The following ARHGEF10 variants were observed in gnomAD, a reference collection of about 807,000 sequenced individuals.
The protein encoded by ARHGEF10 is Rho guanine nucleotide exchange factor 10, also known as Rho guanine nucleotide exchange factor (GEF) 10.
ARHGEF10 carries 140 observed loss-of-function variants against 147.4 expected under a neutral mutation model. The observed-to-expected ratio is 0.95, with a 90% confidence interval of 0.83 to 1.09. The LOEUF (loss-of-function observed/expected upper bound fraction) is 1.09. Ranked by LOEUF, ARHGEF10 falls within the 50% of genes least tolerant of loss-of-function variation. The probability of loss-of-function intolerance (pLI) is 0.00; values close to 1 mark genes in which losing one functional copy is unlikely to be tolerated. For synonymous variants in ARHGEF10, 902 were observed against 695.8 expected (o/e 1.30, Z -4.67); for missense variants, 2,222 against 1,752.7 (o/e 1.27, Z -4.78).
chr8:1,853,417 T>C (rs978072399), intron 2 of ARHGEF10, among the ~76,000 whole-genome samples: 2 of 152,260 alleles, frequency 1.3e-5, no homozygotes, highest in African/African-American at 4.8e-5. Flanking sequence ...GAAAGATCCA[T>C]GTCGTCTCAA....
chr8:1,905,345 C>G lies in ARHGEF10; in HGVS notation c.1822-226C>G, dbSNP rs114274771. The stretch of plus-strand genomic sequence containing the variant: ...CAAAACAATTCCTTGCATTCCTCAC[C>G]GTTCCTGGTTAATGTAGTGTTTAAA... On this transcript the variant is annotated intron_variant, in intron 16 of 28. Transcript: ENST00000349830. Among the ~76,000 whole-genome samples, 1,104 of 152,240 alleles carry G rather than the reference C, an allele frequency of 7.3e-3. 13 individuals are homozygous for G. Among genetic ancestry groups the G allele is most frequent in the African/African-American group, 0.025 (1,020 of 41,544 alleles).
In ARHGEF10 at chr8:1,826,102, T is replaced by C. The variant is rs532419857; in HGVS notation, c.-48+1989T>C. 1.4e-5 allele frequency: 23 copies of C among 1,594,426 alleles called. No individual in the cohort carries two copies. In the South Asian group the frequency reaches 1.9e-4, roughly 13 times the overall value. On this transcript the variant is annotated intron_variant, in intron 1 of 28. Coordinates refer to ENST00000349830, the MANE Select transcript of ARHGEF10 (RefSeq NM_014629.4). Reference sequence around the variant, plus strand: ...CGGCAGTTACGGATGCATAACTCTTTATAGACAGATGAGACCTCCAGGATT... The same window carrying C: ...CGGCAGTTACGGATGCATAACTCTTCATAGACAGATGAGACCTCCAGGATT...
Position 1,933,819 on chromosome 8 carries a change from A to G in ARHGEF10, c.3099A>G (p.Glu1033=), listed in dbSNP as rs369942400. 1 of 1,614,086 alleles carries G rather than the reference A, an allele frequency of 6.2e-7. No homozygotes were observed. Among genetic ancestry groups the G allele is most frequent in the African/African-American group, 1.3e-5 (1 of 74,922 alleles). Residue 1033 remains glutamate, a synonymous_variant, in exon 26 of 29, where the codon GAA becomes GAG. Transcript: ENST00000349830. ...ARAPDGSWDS[E]PQKVIKLGVL... is the part of the protein sequence containing the mutation. Reference sequence around the variant, plus strand: ...TTTAAGATGGATCCTGGGATTCAGAACCTCAAAAAGTGATCAAGTTAGGCG... The same window carrying G: ...TTTAAGATGGATCCTGGGATTCAGAGCCTCAAAAAGTGATCAAGTTAGGCG...
At chr8:1,867,475 C>G (rs1346500585) in intron 6 of ARHGEF10, among the ~76,000 whole-genome samples, 2 of 152,204 alleles carry the variant, frequency 1.3e-5, no homozygotes, top group Admixed American at 6.5e-5. Flanking sequence ...GAATTCCAAA[C>G]TCTATTTTTA....
chr8:1,909,590 C>G, intron 18 of ARHGEF10, 120 bp downstream of exon 18: 1 of 1,334,428 alleles, frequency 7.5e-7, no homozygotes, highest in Non-Finnish European at 1.0e-6. Context: ...CATGGCAAGT[C>G]TGCAGAGGTG....
chr8:1,920,986 A>G (rs1219796079), intron 18 of ARHGEF10, among the ~76,000 whole-genome samples: 1 of 152,134 alleles, frequency 6.6e-6, no homozygotes, highest in African/African-American at 2.4e-5. Context: ...GGGTTTCTCC[A>G]TGTTGATCAG....
At chr8:1,901,614 C>T (rs1230694675) in intron 15 of ARHGEF10, among the ~76,000 whole-genome samples, 1 of 152,250 alleles carries the variant, frequency 6.6e-6, no homozygotes, top group Non-Finnish European at 1.5e-5. Context: ...CCTGAGCCTC[C>T]TTGGGTGGCT....
At chr8:1,880,342 T>C (rs1430741715) in intron 9 of ARHGEF10, among the ~76,000 whole-genome samples, 178 bp downstream of exon 9, 1 of 152,234 alleles carries the variant, frequency 6.6e-6, no homozygotes, top group Non-Finnish European at 1.5e-5. Context: ...TGCCTTTCAC[T>C]GTCTCCCTCT....
chr8:1,899,893 A>G (rs1719652115), intron 15 of ARHGEF10, among the ~76,000 whole-genome samples: 1 of 152,154 alleles, frequency 6.6e-6, no homozygotes, highest in Non-Finnish European at 1.5e-5. Flanking sequence ...GACATTAGTT[A>G]TTCAGCCACA....
intron 7 of ARHGEF10, among the ~76,000 whole-genome samples, chr8:1,872,970 T>G (rs1294056272): frequency 6.7e-6 from 1 of 149,454 alleles, no homozygotes; most frequent in Non-Finnish European, 1.5e-5. Context: ...TGAAATGCAT[T>G]TTGGGGTAAT....
intron 1 of ARHGEF10, among the ~76,000 whole-genome samples, chr8:1,827,095 T>A (rs1267828201): frequency 6.6e-6 from 1 of 152,126 alleles, no homozygotes. Flanking sequence ...CAGCCCCAGG[T>A]CCGTCTAGGG....
At chr8:1,904,564 T>C (rs1810732228) in intron 16 of ARHGEF10, among the ~76,000 whole-genome samples, 1 of 152,222 alleles carries the variant, frequency 6.6e-6, no homozygotes, top group Admixed American at 6.5e-5. Flanking sequence ...TGGTTCATGT[T>C]ATTTAAAATC....
chr8:1,889,203 T>TG (rs1809150070), intron 11 of ARHGEF10, among the ~76,000 whole-genome samples: 1 of 93,408 alleles, frequency 1.1e-5, no homozygotes, highest in Non-Finnish European at 2.2e-5. Context: ...TGAGGTTTAT[T>TG]AGGAGACACT....
At position 1,948,560 on chromosome 8, in the gene ARHGEF10, C is replaced by T. The variant is rs1814777583; in HGVS notation, c.3397+2905C>T. On this transcript the variant is annotated intron_variant, in intron 27 of 28. Coordinates refer to ENST00000349830, the MANE Select transcript of ARHGEF10 (RefSeq NM_014629.4). The surrounding 1 kb of genome is among the most constrained non-coding windows in gnomAD (Gnocchi z 4.9). ...AAGGTACACGGGTTAGAGGCAACCTCGGTGACACCAGAAGTTCAGTTTTGT... is the reference window on the plus strand; with the variant it reads ...AAGGTACACGGGTTAGAGGCAACCTTGGTGACACCAGAAGTTCAGTTTTGT... Among the ~76,000 whole-genome samples the T allele has an allele frequency of 6.6e-6, 1 of 152,122 alleles. No homozygotes were observed. The highest frequency in any genetic ancestry group is 2.1e-4 in the South Asian group (1 of 4,828).
intron 4 of ARHGEF10, among the ~76,000 whole-genome samples, chr8:1,863,606 C>T (rs1055645087): frequency 6.6e-6 from 1 of 152,120 alleles, no homozygotes; most frequent in Admixed American, 6.5e-5. Context: ...TGGCCCGCAC[C>T]CACGCAGTAC....
chr8:1,876,576 A>G lies in ARHGEF10; in HGVS notation c.685A>G (p.Met229Val), dbSNP rs749423042. The part of the protein sequence containing the change: ...RENSDSEPDE[M>V]IYDDVENGDE... ...TTTGGAATTTATGCACTCAGATGAA[A>G]TGATTTATGATGATGTTGAGAATGG... The change falls in exon 8 of 29, where the codon ATG becomes GTG. Residue 229 changes from methionine to valine, a missense_variant. Transcript: ENST00000349830. 3.1e-6 allele frequency: 5 copies of G among 1,614,196 alleles called. No homozygotes were observed. Among genetic ancestry groups the G allele is most frequent in the Non-Finnish European group, 4.2e-6 (5 of 1,179,990 alleles).
At chr8:1,869,298 T>C (rs191992619) in intron 7 of ARHGEF10, 48 bp downstream of exon 7, 2 of 1,530,054 alleles carry the variant, frequency 1.3e-6, no homozygotes, top group East Asian at 2.3e-5. Context: ...CTCAGCAGCC[T>C]TTCCCTCTGG....
At chr8:1,888,849 T>G (rs79862124) in intron 11 of ARHGEF10, among the ~76,000 whole-genome samples, 5,487 of 36,076 alleles carry the variant, frequency 0.15, 1,282 homozygotes, top group South Asian at 0.22. Flanking sequence ...TAGGGTGAGG[T>G]TTGTGAGGAG....
intron 16 of ARHGEF10, among the ~76,000 whole-genome samples, chr8:1,905,079 A>C (rs566255985): frequency 3.4e-4 from 52 of 152,290 alleles, no homozygotes; most frequent in African/African-American, 1.3e-3. Context: ...CAGTGAGTTG[A>C]GATTGTGCGG....
Sources: allele counts gnomAD v4.1 joint callset (sites outside exome capture counted in the v4.1 genomes callset), GRCh38; gene constraint gnomAD v4.1.1; non-coding constraint Gnocchi (gnomAD v3.1); transcripts MANE v1.5; gene names NCBI Gene and HGNC (gene_info 2026-07-23, HGNC 2026-07-21).